The following SUGCT variants were observed in gnomAD, a reference collection of about 807,000 sequenced individuals.
The protein encoded by SUGCT is succinyl-CoA:glutarate-CoA transferase.
A neutral mutation model predicts 55.0 loss-of-function variants in SUGCT; 41 were observed. That is an observed-to-expected ratio of 0.74 (90% confidence interval 0.58 to 0.97). The LOEUF (loss-of-function observed/expected upper bound fraction) is 0.97. SUGCT is among the 50% of genes least tolerant of loss of function. The pLI, the probability that SUGCT is intolerant of heterozygous loss-of-function variation, is 0.00. For synonymous variants in SUGCT, 187 were observed against 200.4 expected (o/e 0.93, Z 0.56); for missense variants, 568 against 547.8 (o/e 1.04, Z -0.37).
At chr7:40,320,966 G>A (rs1795695608) in intron 9 of SUGCT, among the ~76,000 whole-genome samples, 1 of 151,802 alleles carries the variant, frequency 6.6e-6, no homozygotes. Context: ...TGAGTCTCCA[G>A]TGTCTATTAT....
intron 12 of SUGCT, among the ~76,000 whole-genome samples, chr7:40,671,922 A>T (rs1390805161): frequency 1.3e-5 from 2 of 152,186 alleles, no homozygotes; most frequent in Non-Finnish European, 2.9e-5. Flanking sequence ...GAATTCGTCT[A>T]CTTGGTTTCA....
chr7:40,140,353 A>G (rs916936055), intron 1 of SUGCT, among the ~76,000 whole-genome samples: 2 of 152,114 alleles, frequency 1.3e-5, no homozygotes, highest in Non-Finnish European at 2.9e-5. Flanking sequence ...GGCTTTAAGC[A>G]TGTGGGTTTA....
the SUGCT span, among the ~76,000 whole-genome samples, chr7:40,905,446 T>G: frequency 6.6e-6 from 1 of 152,188 alleles, no homozygotes; most frequent in Non-Finnish European, 1.5e-5. Flanking sequence ...TATTTGTAGG[T>G]TTTTTGTTTT....
the SUGCT span, among the ~76,000 whole-genome samples, chr7:40,925,510 T>C: frequency 6.6e-6 from 1 of 152,196 alleles, no homozygotes; most frequent in Non-Finnish European, 1.5e-5. Flanking sequence ...AGATATTAGC[T>C]CTATTTAATT....
chr7:40,805,251 G>C (rs765158260), intron 13 of SUGCT, among the ~76,000 whole-genome samples: 1 of 152,048 alleles, frequency 6.6e-6, no homozygotes, highest in Non-Finnish European at 1.5e-5. Context: ...CTGGGTGTAC[G>C]CCATGCCCTT....
In SUGCT at chr7:40,838,944, G is replaced by GT. The variant is rs74338520; in HGVS notation, c.1154-21356dup. Among the ~76,000 whole-genome samples the GT allele has an allele frequency of 4.6e-3, 592 of 129,890 alleles. 3 individuals are homozygous for GT. Among genetic ancestry groups the GT allele is most frequent in the African/African-American group, 9.5e-3 (331 of 35,014 alleles). 85.2% of individuals were successfully genotyped at this position (129,890 alleles called of 152,430 possible). On this transcript the variant is annotated intron_variant, in intron 13 of 13. Coordinates refer to ENST00000335693, the MANE Select transcript of SUGCT (RefSeq NM_001193313.2). ...GCCCTCTATTCTTCCTTTGGTGAGA[G>GT]TTTTTTTTTTTTTTTTCACATGTAG...
chr7:40,712,592 C>T (rs1430008137), intron 12 of SUGCT, among the ~76,000 whole-genome samples: 43 of 152,172 alleles, frequency 2.8e-4, no homozygotes, highest in Admixed American at 2.8e-3. Flanking sequence ...AAATGCTGGC[C>T]AAATAAAATG....
chr7:40,588,649 G>A (rs909365054), intron 12 of SUGCT, among the ~76,000 whole-genome samples: 1 of 152,100 alleles, frequency 6.6e-6, no homozygotes, highest in Non-Finnish European at 1.5e-5. Context: ...TTTGCTTTAA[G>A]CATTTCTCTA....
chr7:40,696,266 C>T (rs1056272022), intron 12 of SUGCT, among the ~76,000 whole-genome samples: 1 of 152,150 alleles, frequency 6.6e-6, no homozygotes, highest in Admixed American at 6.5e-5. Flanking sequence ...ATTTCTGAGC[C>T]AGGAGATGCC....
the SUGCT span, among the ~76,000 whole-genome samples, chr7:40,913,674 G>A: frequency 2.6e-5 from 4 of 152,272 alleles, no homozygotes; most frequent in South Asian, 6.2e-4. Flanking sequence ...AGTTCAGCTG[G>A]TCTAGAATGG....
At chr7:40,743,474 G>C (rs80271582) in intron 12 of SUGCT, among the ~76,000 whole-genome samples, 6,454 of 152,288 alleles carry the variant, frequency 0.042, 131 homozygotes, top group Middle Eastern at 0.054. Context: ...GCATATAGCA[G>C]GGGACAAAAC....
In SUGCT at chr7:40,617,850, A is replaced by G. The variant is rs1799082392; in HGVS notation, c.1089+121464A>G. Among the ~76,000 whole-genome samples, 7 of 152,140 alleles carry G rather than the reference A, an allele frequency of 4.6e-5. No homozygotes were observed. In the South Asian group the frequency reaches 1.5e-3, roughly 32 times the overall value. On this transcript the variant is annotated intron_variant, in intron 12 of 13. Coordinates refer to ENST00000335693, the MANE Select transcript of SUGCT (RefSeq NM_001193313.2). ...GATTGTTTTTTCTTACATTGTACTG[A>G]TTGTTCAACATCATGTCTTCCTTCA... is the stretch of plus-strand genomic sequence containing the variant.
chr7:40,255,936 G>A (rs1398547594), intron 7 of SUGCT, among the ~76,000 whole-genome samples: 1 of 152,104 alleles, frequency 6.6e-6, no homozygotes, highest in Non-Finnish European at 1.5e-5. Context: ...TCCTTATGAA[G>A]GTGTAGATAG....
rs142495082 is a variant in SUGCT, at chr7:40,723,450, C to T, written c.1090-25984C>T. Among the ~76,000 whole-genome samples, 428 of 152,166 alleles carry T rather than the reference C, an allele frequency of 2.8e-3. 6 individuals carry two copies. Among genetic ancestry groups the T allele is most frequent in the African/African-American group, 9.5e-3 (393 of 41,504 alleles). ...GCTGCGGCTTTTTCTTTCTTTTTTG[C>T]GTCTATTTCCAGAAATATACAAAAT... On this transcript the variant is annotated intron_variant, in intron 12 of 13. Coordinates refer to ENST00000335693, the MANE Select transcript of SUGCT (RefSeq NM_001193313.2).
chr7:40,917,679 T>A, the SUGCT span, among the ~76,000 whole-genome samples: 1 of 152,128 alleles, frequency 6.6e-6, no homozygotes, highest in African/African-American at 2.4e-5. Context: ...TTTCTCACAG[T>A]ATTGGAGACT....
chr7:40,910,712 T>C, the SUGCT span, among the ~76,000 whole-genome samples: 2 of 147,858 alleles, frequency 1.4e-5, no homozygotes, highest in East Asian at 3.9e-4. Flanking sequence ...CTAATAATAA[T>C]GGTAACCCCA....
chr7:40,193,513 G>C (rs146696494), intron 5 of SUGCT, among the ~76,000 whole-genome samples: 1 of 151,986 alleles, frequency 6.6e-6, no homozygotes, highest in Non-Finnish European at 1.5e-5. Context: ...TCGAACTCCT[G>C]ACCTTAAGTG....
At chr7:41,019,065 C>T in the SUGCT span, among the ~76,000 whole-genome samples, 15 of 152,162 alleles carry the variant, frequency 9.9e-5, no homozygotes, top group African/African-American at 3.4e-4. Flanking sequence ...GCCACCATGC[C>T]CAGCTAATTT....
At chr7:40,518,581 CATAT>C (rs529606601) in intron 12 of SUGCT, among the ~76,000 whole-genome samples, 137 of 152,150 alleles carry the variant, frequency 9.0e-4, no homozygotes, top group African/African-American at 3.1e-3. Context: ...AATTAGTATT[CATAT>C]ATATGATGTT....
Sources: gnomAD v4.1 joint callset for allele counts (sites outside exome capture counted in the v4.1 genomes callset) on GRCh38, gnomAD v4.1.1 for gene constraint, MANE v1.5 for transcripts, NCBI Gene and HGNC (gene_info 2026-07-23, HGNC 2026-07-21) for gene names.